ACKR2: variants seen among roughly 807,000 people sequenced by gnomAD.
ACKR2 encodes the protein C-C chemokine receptor D6.
For synonymous variants in ACKR2, 207 were observed against 192.2 expected (o/e 1.08, Z -0.64); for missense variants, 457 against 477.3 (o/e 0.96, Z 0.40).
At chr3:42,846,623 G>C (rs895581459) in intron 2 of ACKR2, among the ~76,000 whole-genome samples, 1 of 152,206 alleles carries the variant, frequency 6.6e-6, no homozygotes, top group Non-Finnish European at 1.5e-5. Flanking sequence ...GCGGCCTGTT[G>C]GTTGGATAAG....
intron 2 of ACKR2, chr3:42,835,797 A>G (rs906998110): frequency 2.0e-5 from 3 of 152,212 alleles, no homozygotes; most frequent in African/African-American, 7.2e-5. Context: ...CAATTTCATT[A>G]TGATATGGGT....
chr3:42,818,462 T>A (rs1396668512), intron 1 of ACKR2, among the ~76,000 whole-genome samples: 1 of 152,196 alleles, frequency 6.6e-6, no homozygotes, highest in East Asian at 1.9e-4. Context: ...AGTGATGTGC[T>A]CTGAGCAAAC....
chr3:42,841,697 G>C (rs912232122), intron 2 of ACKR2: 1 of 152,266 alleles, frequency 6.6e-6, no homozygotes, highest in African/African-American at 2.4e-5. Flanking sequence ...TTGCCTTCAA[G>C]AAGTCCCCAG....
At chr3:42,840,404 C>T (rs1044793190) in intron 2 of ACKR2, among the ~76,000 whole-genome samples, 2 of 151,912 alleles carry the variant, frequency 1.3e-5, no homozygotes, top group Non-Finnish European at 2.9e-5. Context: ...GGATAGGAAG[C>T]AGAGAGAAAG....
At chr3:42,853,465 A>G (rs1005973025) in intron 2 of ACKR2, among the ~76,000 whole-genome samples, 3 of 152,144 alleles carry the variant, frequency 2.0e-5, no homozygotes, top group Non-Finnish European at 2.9e-5. Flanking sequence ...GGGTCTCGCT[A>G]TGTTGCCCAT....
At chr3:42,859,924 A>G (rs950562395) in intron 2 of ACKR2, among the ~76,000 whole-genome samples, 2 of 152,088 alleles carry the variant, frequency 1.3e-5, no homozygotes, top group African/African-American at 2.4e-5. Context: ...AAGAAACTGC[A>G]TCAACTAATG....
Position 42,865,926 on chromosome 3 carries a change from C to G in ACKR2, c.*269C>G, listed in dbSNP as rs1259940698. On this transcript the variant is annotated 3_prime_UTR_variant, in exon 3 of 3. Transcript: ENST00000422265. ...TCCTTCCTTCCTTCCCTCTCTCCCT[C>G]CCTCCCTCCCTCGCTTCTTCCCTTC... The G allele has an allele frequency of 5.2e-6, 2 of 386,976 alleles. No homozygotes were observed. The highest frequency in any genetic ancestry group is 1.1e-4 in the East Asian group (2 of 18,606). The allele number at this position is 386,976 out of a possible 1,614,324, so 24.0% of individuals were successfully genotyped here.
intron 1 of ACKR2, among the ~76,000 whole-genome samples, chr3:42,815,306 G>A (rs536908096): frequency 6.6e-6 from 1 of 152,178 alleles, no homozygotes; most frequent in African/African-American, 2.4e-5. Context: ...AGGATGTAGA[G>A]GTAGTTACAT....
chr3:42,844,360 G>A (rs902115814), intron 2 of ACKR2, among the ~76,000 whole-genome samples: 2 of 152,076 alleles, frequency 1.3e-5, no homozygotes, highest in African/African-American at 4.8e-5. Flanking sequence ...AGACAGTGCA[G>A]TGCACACACC....
intron 2 of ACKR2, chr3:42,835,822 T>C (rs1302017322): frequency 1.3e-5 from 2 of 152,256 alleles, no homozygotes; most frequent in East Asian, 3.9e-4. Context: ...ATTTCTGTGC[T>C]TCCTGATTCT....
chr3:42,860,064 C>A (rs1476206637), intron 2 of ACKR2, among the ~76,000 whole-genome samples: 1 of 148,140 alleles, frequency 6.8e-6, no homozygotes, highest in East Asian at 2.0e-4. Context: ...AGAGTCAAGA[C>A]CCATCGGTGT....
At chr3:42,841,823 G>T (rs1701041893) in intron 2 of ACKR2, 1 of 152,252 alleles carries the variant, frequency 6.6e-6, no homozygotes. Context: ...GGTAGTCCAG[G>T]AACGTGTCCT....
intron 2 of ACKR2, among the ~76,000 whole-genome samples, chr3:42,831,543 G>A (rs1431995371): frequency 6.6e-6 from 1 of 152,144 alleles, no homozygotes; most frequent in African/African-American, 2.4e-5. Context: ...ATAGTTTCCT[G>A]CCTGCTAGCC....
intron 1 of ACKR2, among the ~76,000 whole-genome samples, chr3:42,810,279 C>G (rs1329462799): frequency 6.6e-6 from 1 of 152,066 alleles, no homozygotes; most frequent in Non-Finnish European, 1.5e-5. Context: ...GTCAACTAAC[C>G]ATTTCAAACA....
chr3:42,821,786 T>A (rs1406047212), intron 2 of ACKR2, among the ~76,000 whole-genome samples: 1 of 152,086 alleles, frequency 6.6e-6, no homozygotes, highest in Non-Finnish European at 1.5e-5. Context: ...AAGCTCCGAT[T>A]CCCGGGTTCA....
chr3:42,831,825 A>G (rs1700934978), intron 2 of ACKR2, among the ~76,000 whole-genome samples: 1 of 152,220 alleles, frequency 6.6e-6, no homozygotes, highest in Non-Finnish European at 1.5e-5. Context: ...TACTGTGGTT[A>G]CTGTCTCCTG....
intron 2 of ACKR2, among the ~76,000 whole-genome samples, chr3:42,859,729 G>T (rs1224677563): frequency 6.6e-6 from 1 of 151,988 alleles, no homozygotes; most frequent in Non-Finnish European, 1.5e-5. Flanking sequence ...TTCATATCCA[G>T]CCAAACTAAG....
intron 2 of ACKR2, among the ~76,000 whole-genome samples, chr3:42,828,766 G>A (rs1009117107): frequency 1.3e-5 from 2 of 152,168 alleles, no homozygotes; most frequent in African/African-American, 2.4e-5. Flanking sequence ...TGATGAAGAA[G>A]GTTATCAAGA....
intron 2 of ACKR2, among the ~76,000 whole-genome samples, chr3:42,859,178 C>T (rs1051997885): frequency 1.3e-5 from 2 of 152,010 alleles, no homozygotes; most frequent in Non-Finnish European, 2.9e-5. Flanking sequence ...ACAGAGAACA[C>T]CACAAAGATA....
Sources: gnomAD v4.1 joint callset for allele counts (sites outside exome capture counted in the v4.1 genomes callset) on GRCh38, gnomAD v4.1.1 for gene constraint, MANE v1.5 for transcripts, NCBI Gene and HGNC (gene_info 2026-07-23, HGNC 2026-07-21) for gene names.